ACER3: variants seen among roughly 807,000 people sequenced by gnomAD.
The protein encoded by ACER3 is alkCDase 3.
Under a neutral mutation model 48.9 loss-of-function variants are expected in ACER3, and 16 were observed. The ratio of observed to expected loss-of-function variants is 0.33; its 90% CI spans 0.22 to 0.50. The LOEUF (loss-of-function observed/expected upper bound fraction) is 0.50. ACER3 is among the 20% of genes least tolerant of loss of function. The pLI is 0.98. For missense variants in ACER3, 227 were observed against 326.0 expected (o/e 0.70, Z 2.34); for synonymous variants, 109 against 107.8 (o/e 1.01, Z -0.07).
At chr11:76,996,302 C>T (rs1948907988) in intron 6 of ACER3, among the ~76,000 whole-genome samples, 1 of 152,120 alleles carries the variant, frequency 6.6e-6, no homozygotes, top group South Asian at 2.1e-4. Flanking sequence ...CTGTCAGTCT[C>T]ACCTCCCTCT....
At chr11:76,891,407 C>T (rs1031755215) in intron 1 of ACER3, among the ~76,000 whole-genome samples, 9 of 152,050 alleles carry the variant, frequency 5.9e-5, no homozygotes, top group African/African-American at 2.2e-4. Context: ...CTGCTGCCCT[C>T]CTTTCACCTG....
At position 77,020,376 on chromosome 11, in the gene ACER3, A is replaced by G; in HGVS notation, c.*49A>G. On this transcript the variant is annotated 3_prime_UTR_variant, in exon 11 of 11. Coordinates refer to ENST00000532485, the MANE Select transcript of ACER3 (RefSeq NM_018367.7). The stretch of plus-strand genomic sequence containing the variant: ...AACAAGCACCTACCATAGACCTGGC[A>G]GAATAAATAAGGAAATCCTTAAAGA... The G allele has an allele frequency of 6.3e-7, 1 of 1,575,032 alleles. No individual in the cohort carries two copies. Among genetic ancestry groups the G allele is most frequent in the Non-Finnish European group, 8.7e-7 (1 of 1,150,380 alleles).
At chr11:77,000,969 G>A (rs1949021083) in intron 7 of ACER3, among the ~76,000 whole-genome samples, 1 of 151,986 alleles carries the variant, frequency 6.6e-6, no homozygotes, top group African/African-American at 2.4e-5. Flanking sequence ...AGGAATTATA[G>A]GAATTATATT....
intron 1 of ACER3, among the ~76,000 whole-genome samples, chr11:76,923,549 C>T (rs974006607): frequency 6.6e-6 from 1 of 152,066 alleles, no homozygotes; most frequent in African/African-American, 2.4e-5. Flanking sequence ...TACCTGACAT[C>T]GTGCTTTTTT....
chr11:77,003,726 GC>G (rs1949079556), intron 7 of ACER3, among the ~76,000 whole-genome samples: 1 of 152,140 alleles, frequency 6.6e-6, no homozygotes, highest in Non-Finnish European at 1.5e-5. Flanking sequence ...GTGTCCCACA[GC>G]TTTTTATATG....
chr11:76,970,100 T>G (rs2135119542), intron 3 of ACER3, among the ~76,000 whole-genome samples: 1 of 152,304 alleles, frequency 6.6e-6, no homozygotes, highest in East Asian at 1.9e-4. Flanking sequence ...TTTGTCAGTC[T>G]TATGATCTCT....
At chr11:76,932,381 C>G (rs901876631) in intron 2 of ACER3, among the ~76,000 whole-genome samples, 11 of 152,168 alleles carry the variant, frequency 7.2e-5, no homozygotes, top group East Asian at 1.9e-4. Context: ...CAGATTCTAC[C>G]TTAGATTATT....
At chr11:76,982,381 T>TCCC (rs1190648490) in intron 4 of ACER3, among the ~76,000 whole-genome samples, 1 of 152,094 alleles carries the variant, frequency 6.6e-6, no homozygotes, top group African/African-American at 2.4e-5. Flanking sequence ...CACCTCCAGC[T>TCCC]AATTTTTGTA....
At chr11:76,943,195 C>T (rs1947382594) in intron 2 of ACER3, among the ~76,000 whole-genome samples, 1 of 151,792 alleles carries the variant, frequency 6.6e-6, no homozygotes, top group Non-Finnish European at 1.5e-5. Flanking sequence ...TTCTTTTCTT[C>T]TGCTAACTTT....
At chr11:77,019,414 G>A (rs1949432798) in intron 9 of ACER3, 1 of 197,460 alleles carries the variant, frequency 5.1e-6, no homozygotes, top group South Asian at 9.8e-5. Flanking sequence ...AGCCGAGATT[G>A]CGCCACTGCA....
At chr11:77,005,810 G>A in intron 7 of ACER3, among the ~76,000 whole-genome samples, 1 of 151,148 alleles carries the variant, frequency 6.6e-6, no homozygotes, top group East Asian at 2.0e-4. Context: ...TATCTGCAAG[G>A]ACTTTATTTC....
At chr11:76,938,703 G>GA (rs963435527) in intron 2 of ACER3, among the ~76,000 whole-genome samples, 2 of 152,060 alleles carry the variant, frequency 1.3e-5, no homozygotes, top group East Asian at 3.9e-4. Flanking sequence ...CGAAGGCAAG[G>GA]AAAAAACCCT....
Position 76,912,821 on chromosome 11 carries a change from C to T in ACER3, c.104-13736C>T, listed in dbSNP as rs80201248. On this transcript the variant is annotated intron_variant, in intron 1 of 10. Coordinates refer to ENST00000532485, the MANE Select transcript of ACER3 (RefSeq NM_018367.7). ...AATCATAAAACTATTGTATTGTTAG[C>T]GGTGGAAGAGATCCAAGTTACTGGC... is the stretch of plus-strand genomic sequence containing the variant. Among the ~76,000 whole-genome samples, 112 of 152,150 alleles carry T rather than the reference C, an allele frequency of 7.4e-4. 5 individuals are homozygous for T. The East Asian group carries it at 0.02, about 27-fold the overall frequency.
rs1947998536 is a variant in ACER3 at position 76,961,693 on chromosome 11, T to C, written c.267+2662T>C. 2.0e-5 allele frequency among the ~76,000 whole-genome samples: 3 copies of C among 150,960 alleles called. No individual in the cohort carries two copies. In the South Asian group the frequency reaches 6.3e-4, roughly 32 times the overall value. ...CCTGCTGGCCAAATATGGGGCAATT[T>C]GAGCATCAAAATAAATGGTAATGGG... On this transcript the variant is annotated intron_variant, in intron 3 of 10. Coordinates refer to ENST00000532485, the MANE Select transcript of ACER3 (RefSeq NM_018367.7).
In ACER3 at chr11:76,937,231, ATTTT is replaced by A. The variant is rs1259959980; in HGVS notation, c.214+10565_214+10568del. On this transcript the variant is annotated intron_variant, in intron 2 of 10. Coordinates refer to ENST00000532485, the MANE Select transcript of ACER3 (RefSeq NM_018367.7). ...AAAGTGTCAGACTCTTGACAACACTATTTTGGCAAGGCTGTGGGAGAAATAGGCA... is the reference window on the plus strand; with the variant it reads ...AAAGTGTCAGACTCTTGACAACACTAGGCAAGGCTGTGGGAGAAATAGGCA... 2.6e-5 allele frequency among the ~76,000 whole-genome samples: 4 copies of A among 152,336 alleles called. No homozygotes were observed. The East Asian group carries it at 7.7e-4, about 29-fold the overall frequency.
chr11:76,941,017 A>G (rs1187662392), intron 2 of ACER3, among the ~76,000 whole-genome samples: 2 of 78,564 alleles, frequency 2.5e-5, no homozygotes, highest in African/African-American at 9.9e-5. Context: ...GTATAAACAC[A>G]CACACACACA....
At chr11:76,925,139 A>C (rs998933878) in intron 1 of ACER3, among the ~76,000 whole-genome samples, 2 of 152,156 alleles carry the variant, frequency 1.3e-5, no homozygotes. Flanking sequence ...GAAATACAAA[A>C]GAAGATAAAA....
intron 1 of ACER3, among the ~76,000 whole-genome samples, chr11:76,920,886 C>G (rs1479246727): frequency 6.6e-6 from 1 of 152,018 alleles, no homozygotes; most frequent in African/African-American, 2.4e-5. Flanking sequence ...CAATCCTCCC[C>G]CCTTGGCTTT....
intron 4 of ACER3, among the ~76,000 whole-genome samples, chr11:76,984,818 A>G (rs1459299051): frequency 6.6e-6 from 1 of 152,068 alleles, no homozygotes; most frequent in Non-Finnish European, 1.5e-5. Flanking sequence ...GAATTAGGAG[A>G]GATTATTTAT....
Sources: allele counts gnomAD v4.1 joint callset (sites outside exome capture counted in the v4.1 genomes callset), GRCh38; gene constraint gnomAD v4.1.1; transcripts MANE v1.5; gene names NCBI Gene and HGNC (gene_info 2026-07-23, HGNC 2026-07-21).